Variants in RBMS3 observed in about 807,000 individuals in gnomAD.
The protein encoded by RBMS3 is RNA binding motif single stranded interacting protein 3.
RBMS3 carries 27 observed loss-of-function variants against 66.8 expected under a neutral mutation model. The ratio of observed to expected loss-of-function variants is 0.40; its 90% CI spans 0.30 to 0.56. The LOEUF is 0.56. RBMS3 is among the 20% of genes least tolerant of loss of function. The pLI is 0.40. For missense variants in RBMS3, 513 were observed against 549.5 expected (o/e 0.93, Z 0.66); for synonymous variants, 188 against 183.0 (o/e 1.03, Z -0.22).
intron 3 of RBMS3, among the ~76,000 whole-genome samples, chr3:29,525,168 A>C (rs906047419): frequency 1.3e-5 from 2 of 152,314 alleles, no homozygotes; most frequent in Admixed American, 1.3e-4. Context: ...TTTTAAATGT[A>C]ACTGGGAAAG....
Position 29,787,775 on chromosome 3 carries a change from A to G in RBMS3, c.637+24786A>G, listed in dbSNP as rs12495047. Among the ~76,000 whole-genome samples, 830 of 152,260 alleles carry G rather than the reference A, an allele frequency of 5.5e-3. 8 individuals carry two copies. The highest frequency in any genetic ancestry group is 0.019 in the African/African-American group (798 of 41,550). On this transcript the variant is annotated intron_variant, in intron 6 of 14. Transcript: ENST00000383767. ...TCATGGGTGCACCAAAATCTCAGAA[A>G]TCATCATTAAAGAACTTATTCATGT... is the stretch of plus-strand genomic sequence containing the variant.
At chr3:29,683,703 G>A (rs1166923800) in intron 4 of RBMS3, among the ~76,000 whole-genome samples, 2 of 152,172 alleles carry the variant, frequency 1.3e-5, no homozygotes, top group Admixed American at 6.5e-5. Flanking sequence ...TTCTGGGAGT[G>A]CATTTTCGGA....
At chr3:29,679,069 C>T (rs2051376282) in intron 4 of RBMS3, among the ~76,000 whole-genome samples, 1 of 151,964 alleles carries the variant, frequency 6.6e-6, no homozygotes, top group African/African-American at 2.4e-5. Flanking sequence ...TTCAGAATCA[C>T]CTGGGAGCTT....
chr3:29,494,747 A>G (rs149131070), intron 3 of RBMS3, among the ~76,000 whole-genome samples: 55 of 152,314 alleles, frequency 3.6e-4, no homozygotes, highest in African/African-American at 1.3e-3. Context: ...TCACTTGTCT[A>G]TGCCTTCCTG....
chr3:29,943,596 G>T (rs530354189), intron 11 of RBMS3, among the ~76,000 whole-genome samples: 44 of 151,870 alleles, frequency 2.9e-4, no homozygotes, highest in South Asian at 1.0e-3. Flanking sequence ...ACGTTCAATA[G>T]ATTCTGTTCT....
chr3:29,851,182 C>T (rs986420180), intron 6 of RBMS3, among the ~76,000 whole-genome samples: 1 of 152,114 alleles, frequency 6.6e-6, no homozygotes, highest in Non-Finnish European at 1.5e-5. Flanking sequence ...TTGGCTGTCC[C>T]TTTTACTAAA....
chr3:29,341,004 T>C (rs2036250261), intron 1 of RBMS3, among the ~76,000 whole-genome samples: 1 of 152,114 alleles, frequency 6.6e-6, no homozygotes, highest in Non-Finnish European at 1.5e-5. Flanking sequence ...ATGTGAAATA[T>C]CATTATCATA....
At chr3:29,869,600 A>G (rs2059441595) in intron 7 of RBMS3, among the ~76,000 whole-genome samples, 1 of 152,106 alleles carries the variant, frequency 6.6e-6, no homozygotes, top group East Asian at 1.9e-4. Context: ...CTATCCATTT[A>G]CCCTCAATAC....
intron 5 of RBMS3, among the ~76,000 whole-genome samples, chr3:29,756,006 G>A (rs1032728731): frequency 3.3e-5 from 5 of 152,120 alleles, no homozygotes; most frequent in Non-Finnish European, 7.4e-5. Context: ...GTGATAAACA[G>A]CACCTACTAT....
At chr3:29,827,024 A>G (rs2058228651) in intron 6 of RBMS3, among the ~76,000 whole-genome samples, 1 of 152,192 alleles carries the variant, frequency 6.6e-6, no homozygotes, top group Admixed American at 6.6e-5. Flanking sequence ...TAAGAATCAC[A>G]GAATTTGGAA....
chr3:29,900,271 TCTG>T (rs2060221391), intron 10 of RBMS3, among the ~76,000 whole-genome samples: 1 of 151,798 alleles, frequency 6.6e-6, no homozygotes, highest in Non-Finnish European at 1.5e-5. Context: ...AAGGTAGTTG[TCTG>T]CTAATAGATG....
At chr3:29,473,856 G>T (rs1429420597) in intron 2 of RBMS3, among the ~76,000 whole-genome samples, 1 of 152,216 alleles carries the variant, frequency 6.6e-6, no homozygotes, top group African/African-American at 2.4e-5. Flanking sequence ...AGCGCCGCGC[G>T]CAGCCCCGGT....
rs59335121 is a variant in RBMS3 at position 29,928,180 on chromosome 3, T to TTATGTA, written c.940-7903_940-7902insGTATAT. Among the ~76,000 whole-genome samples the TTATGTA allele has an allele frequency of 2.0e-3, 208 of 102,542 alleles. 1 individual carries two copies. In the East Asian group the frequency reaches 0.023, roughly 11 times the overall value. The allele number at this position is 102,542 out of a possible 152,430, so 67.3% of individuals were successfully genotyped here. On this transcript the variant is annotated intron_variant, in intron 10 of 14. Coordinates refer to ENST00000383767, the MANE Select transcript of RBMS3 (RefSeq NM_001003793.3). ...AAACTGGTCTGCTCCTCTTCAAATTTTATATATATATATATATATATATAT... is the reference window on the plus strand; with the variant it reads ...AAACTGGTCTGCTCCTCTTCAAATTTTATGTATATATATATATATATATATATATAT...
chr3:29,909,486 C>T (rs1212725461), intron 10 of RBMS3, among the ~76,000 whole-genome samples: 1 of 152,060 alleles, frequency 6.6e-6, no homozygotes, highest in Non-Finnish European at 1.5e-5. Context: ...TGTTTATCTT[C>T]CAAGTAGAGT....
intron 14 of RBMS3, among the ~76,000 whole-genome samples, chr3:29,992,330 T>G (rs1398219894): frequency 4.6e-5 from 7 of 152,204 alleles, no homozygotes; most frequent in African/African-American, 1.2e-4. Flanking sequence ...CTCACGCCTG[T>G]AATCCCAGCA....
intron 4 of RBMS3, among the ~76,000 whole-genome samples, chr3:29,601,908 AGAGTT>A (rs2149118325): frequency 6.6e-6 from 1 of 152,186 alleles, no homozygotes; most frequent in Non-Finnish European, 1.5e-5. Context: ...GGTCTTGAGT[AGAGTT>A]AAGAGGGACC....
At chr3:29,718,652 A>G (rs1039314062) in intron 4 of RBMS3, among the ~76,000 whole-genome samples, 1 of 152,106 alleles carries the variant, frequency 6.6e-6, no homozygotes, top group East Asian at 1.9e-4. Flanking sequence ...TGCACAGCTG[A>G]GCAACCTTCT....
intron 2 of RBMS3, among the ~76,000 whole-genome samples, chr3:29,453,807 G>C (rs1294561695): frequency 6.6e-6 from 1 of 152,176 alleles, no homozygotes; most frequent in Non-Finnish European, 1.5e-5. Context: ...CGCTAGCCAG[G>C]GGTGATGAAG....
intron 3 of RBMS3, among the ~76,000 whole-genome samples, chr3:29,520,323 A>G (rs978506967): frequency 2.0e-5 from 3 of 152,246 alleles, no homozygotes; most frequent in Admixed American, 1.3e-4. Flanking sequence ...AGCTAGGGTT[A>G]AATTAAATAT....
Sources: allele counts gnomAD v4.1 joint callset (sites outside exome capture counted in the v4.1 genomes callset), GRCh38; gene constraint gnomAD v4.1.1; transcripts MANE v1.5; gene names NCBI Gene and HGNC (gene_info 2026-07-23, HGNC 2026-07-21).